The following NCAPG2 variants were observed in gnomAD, a reference collection of about 807,000 sequenced individuals.
NCAPG2 encodes the protein non-SMC condensin II complex subunit G2.
NCAPG2 carries 53 observed loss-of-function variants against 141.1 expected under a neutral mutation model. The observed-to-expected ratio is 0.38, with a 90% CI of 0.30 to 0.47. The LOEUF (loss-of-function observed/expected upper bound fraction) is 0.47. Among genes scored for constraint, NCAPG2 ranks in the 20% least tolerant of loss-of-function variants. The pLI, the probability that NCAPG2 is intolerant of heterozygous loss-of-function variation, is 0.99. For missense variants in NCAPG2, 1,087 were observed against 1,389.0 expected (o/e 0.78, Z 3.46); for synonymous variants, 499 against 490.7 (o/e 1.02, Z -0.22).
Position 158,644,358 on chromosome 7 carries a change from A to G in NCAPG2, c.3311T>C (p.Val1104Ala), listed in dbSNP as rs1437734698. ...TAGTTTTCTGTGAACAGTGGCTGCA[A>G]CCTCCCTCACTTTTGAGCTTTTATG... ...GKHKSSKVRE[V>A]AATVHRKLKT... is the part of the protein sequence containing the mutation. The change falls in exon 27 of 28, where the codon GTT (valine) becomes GCT (alanine). Residue 1104 changes from valine to alanine, a missense_variant. Val to Ala is a moderately conservative substitution (Grantham distance 64). Coordinates refer to ENST00000356309, the MANE Select transcript of NCAPG2 (RefSeq NM_017760.7). The G allele has an allele frequency of 1.9e-6, 3 of 1,613,674 alleles. No homozygotes were observed. Among genetic ancestry groups the G allele is most frequent in the Non-Finnish European group, 2.5e-6 (3 of 1,179,658 alleles).
intron 1 of NCAPG2, among the ~76,000 whole-genome samples, chr7:158,704,148 C>T (rs1328453274): frequency 1.4e-5 from 2 of 146,702 alleles, no homozygotes; most frequent in East Asian, 2.0e-4. Flanking sequence ...GTGCCCATGC[C>T]CAGGACTGAG....
At chr7:158,695,325 G>T (rs888925664) in intron 2 of NCAPG2, among the ~76,000 whole-genome samples, 12 of 152,318 alleles carry the variant, frequency 7.9e-5, no homozygotes, top group Middle Eastern at 3.4e-3. Flanking sequence ...CAGTCTAGGG[G>T]CAAGAATAAC....
At chr7:158,671,691 A>G in intron 12 of NCAPG2, 25 bp from the exon 13 acceptor site, 1 of 1,609,196 alleles carries the variant, frequency 6.2e-7, no homozygotes, top group Non-Finnish European at 8.5e-7. Context: ...AAGATAAACA[A>G]TTCAAAATCA....
chr7:158,665,578 G>A (rs1253138025), intron 13 of NCAPG2, among the ~76,000 whole-genome samples: 2 of 152,016 alleles, frequency 1.3e-5, no homozygotes, highest in Non-Finnish European at 2.9e-5. Context: ...ATTTTCAATT[G>A]GATCTTTCTT....
Position 158,700,810 on chromosome 7 carries a change from G to A in NCAPG2, c.78+1012C>T, listed in dbSNP as rs78295542. On this transcript the variant is annotated intron_variant, in intron 2 of 27. Transcript: ENST00000356309. ...TAATAAGAACAAGTGAGACAAGTGT[G>A]CCAAGGGTCTCCTGCCCCAAAGATA... Among the ~76,000 whole-genome samples, 742 of 152,256 alleles carry A rather than the reference G, an allele frequency of 4.9e-3. 41 individuals carry two copies. In the East Asian group the frequency reaches 0.11, roughly 23 times the overall value.
At chr7:158,643,422 G>A (rs1054895120) in intron 27 of NCAPG2, among the ~76,000 whole-genome samples, 4 of 152,166 alleles carry the variant, frequency 2.6e-5, no homozygotes, top group Admixed American at 2.6e-4. Flanking sequence ...TTACCATGTT[G>A]GCCAGGCTGG....
intron 2 of NCAPG2, among the ~76,000 whole-genome samples, chr7:158,700,148 G>A (rs1563586342): frequency 6.6e-6 from 1 of 152,170 alleles, no homozygotes; most frequent in Non-Finnish European, 1.5e-5. Context: ...ACCACGTGAT[G>A]CACAATCCTA....
chr7:158,655,513 G>T, intron 19 of NCAPG2, 58 bp from the exon 20 acceptor site: 1 of 1,391,268 alleles, frequency 7.2e-7, no homozygotes, highest in Non-Finnish European at 1.0e-6. Context: ...ACCACACCCC[G>T]TACAGCAAGA....
Position 158,662,178 on chromosome 7 carries a change from A to G in NCAPG2, c.1989+16T>C. On this transcript the variant is annotated intron_variant, in intron 16 of 27. Coordinates refer to ENST00000356309, the MANE Select transcript of NCAPG2 (RefSeq NM_017760.7). ...ACCTTAATATACCTTGCTTACAAGTATAGTTCAAGACTTACCTTAAATACT... is the reference window on the plus strand; with the variant it reads ...ACCTTAATATACCTTGCTTACAAGTGTAGTTCAAGACTTACCTTAAATACT... The G allele has an allele frequency of 2.5e-6, 4 of 1,579,306 alleles. No homozygotes were observed. Among genetic ancestry groups the G allele is most frequent in the Non-Finnish European group, 3.4e-6 (4 of 1,168,946 alleles).
intron 8 of NCAPG2, among the ~76,000 whole-genome samples, chr7:158,684,070 A>C (rs1296007403): frequency 6.6e-6 from 1 of 152,226 alleles, no homozygotes; most frequent in Non-Finnish European, 1.5e-5. Context: ...CCTAGGGTTA[A>C]TACTAATACA....
At chr7:158,656,148 T>C in intron 19 of NCAPG2, 112 bp downstream of exon 19, 2 of 1,355,108 alleles carry the variant, frequency 1.5e-6, no homozygotes, top group Non-Finnish European at 2.0e-6. Flanking sequence ...TCACTCTCAA[T>C]TCTGTTCCAG....
intron 16 of NCAPG2, among the ~76,000 whole-genome samples, chr7:158,659,000 A>G (rs1266186423): frequency 2.1e-5 from 3 of 144,114 alleles, no homozygotes; most frequent in African/African-American, 7.8e-5. Context: ...CATTCACTCC[A>G]GCCTGGGCAA....
At chr7:158,666,849 A>G (rs963450807) in intron 13 of NCAPG2, among the ~76,000 whole-genome samples, 2 of 152,198 alleles carry the variant, frequency 1.3e-5, no homozygotes, top group Non-Finnish European at 2.9e-5. Context: ...TCAGCCCAGC[A>G]GCCCAGGCCT....
At chr7:158,634,586 C>T (rs912519342) in intron 27 of NCAPG2, among the ~76,000 whole-genome samples, 2 of 152,158 alleles carry the variant, frequency 1.3e-5, no homozygotes, top group African/African-American at 4.8e-5. Context: ...GAGCTACTTA[C>T]ACTGACCTAA....
Position 158,687,482 on chromosome 7 carries a change from A to G in NCAPG2, c.673-40T>C, listed in dbSNP as rs375108053. On this transcript the variant is annotated intron_variant, in intron 6 of 27. Coordinates refer to ENST00000356309, the MANE Select transcript of NCAPG2 (RefSeq NM_017760.7). ...GGATAGAATGTTTACATTGCAACCAAATAAAAAGTGCCAAATAACAAACAA... is the reference window on the plus strand; with the variant it reads ...GGATAGAATGTTTACATTGCAACCAGATAAAAAGTGCCAAATAACAAACAA... 52 of 1,418,866 alleles carry G rather than the reference A, an allele frequency of 3.7e-5. No individual in the cohort carries two copies. In the African/African-American group the frequency reaches 7.3e-4, roughly 20 times the overall value. The allele number at this position is 1,418,866 out of a possible 1,614,324, so 87.9% of individuals were successfully genotyped here.
chr7:158,688,858 G>A (rs939518131), intron 6 of NCAPG2, among the ~76,000 whole-genome samples: 1 of 152,196 alleles, frequency 6.6e-6, no homozygotes, highest in Non-Finnish European at 1.5e-5. Flanking sequence ...CTGCCGCTGA[G>A]CAGCTGTGAC....
chr7:158,661,833 C>T (rs1174259200), intron 16 of NCAPG2, among the ~76,000 whole-genome samples: 2 of 152,238 alleles, frequency 1.3e-5, no homozygotes, highest in Non-Finnish European at 2.9e-5. Flanking sequence ...GGGTACCTAA[C>T]TGCCCACAGA....
Position 158,683,316 on chromosome 7 carries a change from T to C in NCAPG2, c.908A>G (p.His303Arg), listed in dbSNP as rs908861546. Reference sequence around the variant, plus strand: ...CAATCTTACCTCCCGCACTTTGGAATGCACTGGAGACCTCCTCGGAAGGTG... The same window carrying C: ...CAATCTTACCTCCCGCACTTTGGAACGCACTGGAGACCTCCTCGGAAGGTG... ...GIHLPRRSPVHSKVREVLSYF... is the reference protein window; with the variant it reads ...GIHLPRRSPVRSKVREVLSYF... The change falls in exon 9 of 28, where the codon CAT (histidine) becomes CGT (arginine). Residue 303 changes from histidine to arginine, a missense_variant. His to Arg is a conservative substitution (Grantham distance 29). Transcript: ENST00000356309. 4 of 1,596,464 alleles carry C rather than the reference T, an allele frequency of 2.5e-6. No homozygotes were observed. In the African/African-American group the frequency reaches 4.1e-5, roughly 16 times the overall value.
At chr7:158,666,778 T>A (rs967300652) in intron 13 of NCAPG2, among the ~76,000 whole-genome samples, 2 of 151,534 alleles carry the variant, frequency 1.3e-5, no homozygotes, top group African/African-American at 4.9e-5. Flanking sequence ...AATAAATAAA[T>A]AAAATAAAAA....
Sources: allele counts gnomAD v4.1 joint callset (sites outside exome capture counted in the v4.1 genomes callset), GRCh38; gene constraint gnomAD v4.1.1; transcripts MANE v1.5; gene names NCBI Gene and HGNC (gene_info 2026-07-23, HGNC 2026-07-21).